The following SEMA4D variants were observed in gnomAD, a reference collection of about 807,000 sequenced individuals.
SEMA4D encodes the protein semaphorin-4D.
A neutral mutation model predicts 74.8 loss-of-function variants in SEMA4D; 22 were observed. The observed-to-expected ratio is 0.29, with a 90% CI of 0.21 to 0.42. The LOEUF (loss-of-function observed/expected upper bound fraction) is 0.42, where lower values mean the gene tolerates loss of function less well. Ranked by LOEUF, SEMA4D falls within the 10% of genes least tolerant of loss-of-function variation. SEMA4D has a pLI of 1.00. For synonymous variants in SEMA4D, 445 were observed against 463.7 expected (o/e 0.96, Z 0.52); for missense variants, 937 against 1,118.4 (o/e 0.84, Z 2.31).
intron 2 of SEMA4D, among the ~76,000 whole-genome samples, chr9:89,439,270 G>A (rs961317451): frequency 6.6e-6 from 1 of 152,048 alleles, no homozygotes; most frequent in Non-Finnish European, 1.5e-5. Flanking sequence ...ATGAGCCACC[G>A]TACCCGGCAC....
rs150611566 is a variant in SEMA4D at position 89,428,169 on chromosome 9, C to G, written c.-243-22470G>C. 3.7e-3 allele frequency among the ~76,000 whole-genome samples: 570 copies of G among 152,250 alleles called. 4 individuals carry two copies. The highest frequency in any genetic ancestry group is 0.017 in the Middle Eastern group (5 of 292). The stretch of plus-strand genomic sequence containing the variant: ...ACCGCTGACCTGTCATGGAGGGATA[C>G]GGCCCCCACACTGAACAATTCCCTG... On this transcript the variant is annotated intron_variant, in intron 2 of 15. Transcript: ENST00000422704.
intron 2 of SEMA4D, among the ~76,000 whole-genome samples, chr9:89,454,906 G>A (rs983239451): frequency 6.6e-5 from 10 of 152,248 alleles, no homozygotes; most frequent in Admixed American, 4.6e-4. Context: ...AGGAAGCCCC[G>A]CCCCTCGAGG....
chr9:89,371,945 T>TGTGTGGGGTGTGGTGTGTGTGGG (rs1834999442), intron 16 of SEMA4D, among the ~76,000 whole-genome samples: 2 of 143,284 alleles, frequency 1.4e-5, no homozygotes, highest in African/African-American at 5.2e-5. Flanking sequence ...GGGTGTGGTG[T>TGTGTGGGGTGTGGTGTGTGTGGG]GTGTGGGGTG....
At chr9:89,474,483 C>T (rs534600456) in intron 1 of SEMA4D, among the ~76,000 whole-genome samples, 48 of 152,304 alleles carry the variant, frequency 3.2e-4, no homozygotes, top group Non-Finnish European at 5.0e-4. Context: ...AAATAGCCTG[C>T]GTAAACTGCG....
chr9:89,390,063 G>A (rs894856150), intron 9 of SEMA4D, among the ~76,000 whole-genome samples: 2 of 152,204 alleles, frequency 1.3e-5, no homozygotes, highest in Non-Finnish European at 2.9e-5. Flanking sequence ...CTTGTCGGGG[G>A]TGGAGGTGGC....
Position 89,405,681 on chromosome 9 carries a change from C to A in SEMA4D, c.-225G>T. On this transcript the variant is annotated 5_prime_UTR_variant, in exon 3 of 16. Coordinates refer to ENST00000422704, the MANE Select transcript of SEMA4D (RefSeq NM_001371194.2). ...TGTCAAAGCCCACTTGATACTTCTT[C>A]AGGGCCTCAGAAGAAATGCTGGAAG... 8 of 1,408,106 alleles carry A rather than the reference C, an allele frequency of 5.7e-6. No individual in the cohort carries two copies. Among genetic ancestry groups the A allele is most frequent in the Non-Finnish European group, 7.4e-6 (8 of 1,084,824 alleles). The allele number at this position is 1,408,106 out of a possible 1,614,324, so 87.2% of individuals were successfully genotyped here.
intron 16 of SEMA4D, chr9:89,363,966 G>C: frequency 6.2e-7 from 1 of 1,614,010 alleles, no homozygotes; most frequent in East Asian, 2.2e-5. Context: ...GACACAGACC[G>C]TTTCCACCTC....
At chr9:89,424,144 T>G (rs1363164732) in intron 2 of SEMA4D, among the ~76,000 whole-genome samples, 2 of 151,680 alleles carry the variant, frequency 1.3e-5, no homozygotes, top group Non-Finnish European at 2.9e-5. Flanking sequence ...CCTCAGCACC[T>G]CCTCCTCCCC....
downstream of SEMA4D, chr9:89,376,777 A>C (rs1835849023): frequency 6.6e-7 from 1 of 1,512,124 alleles, no homozygotes; most frequent in Admixed American, 2.0e-5. Flanking sequence ...CCCGCCCCCC[A>C]CCTGTGGGAG....
At chr9:89,410,123 G>A (rs561939718) in intron 2 of SEMA4D, among the ~76,000 whole-genome samples, 48 of 152,242 alleles carry the variant, frequency 3.2e-4, no homozygotes, top group South Asian at 2.1e-3. Flanking sequence ...TGCAGCACAC[G>A]CTGATTTCTG....
chr9:89,390,733 G>A (rs1245267713), intron 9 of SEMA4D, among the ~76,000 whole-genome samples: 1 of 152,160 alleles, frequency 6.6e-6, no homozygotes, highest in Non-Finnish European at 1.5e-5. Flanking sequence ...TCCACCTCCT[G>A]GAAACTGCCA....
chr9:89,452,061 T>C (rs937897874), intron 2 of SEMA4D, among the ~76,000 whole-genome samples: 13 of 152,042 alleles, frequency 8.6e-5, no homozygotes, highest in Admixed American at 2.0e-4. Context: ...TGGATCTGAG[T>C]GTGTTGAGGG....
At chr9:89,408,625 C>T (rs1018231580) in intron 2 of SEMA4D, among the ~76,000 whole-genome samples, 2 of 152,186 alleles carry the variant, frequency 1.3e-5, no homozygotes, top group Non-Finnish European at 2.9e-5. Flanking sequence ...GGACTGCACA[C>T]TCGCATTGTG....
Position 89,484,904 on chromosome 9 carries a change from T to G in SEMA4D, c.-310+13015A>C, listed in dbSNP as rs960104593. Among the ~76,000 whole-genome samples the G allele has an allele frequency of 2.7e-5, 4 of 149,818 alleles. No homozygotes were observed. Among genetic ancestry groups the G allele is most frequent in the African/African-American group, 4.9e-5 (2 of 40,614 alleles). ...GGGGGTATGTGTGTAGTGTGTGGTATGGGGTGTGTGGTGTGATGTGTATGT... is the reference window on the plus strand; with the variant it reads ...GGGGGTATGTGTGTAGTGTGTGGTAGGGGGTGTGTGGTGTGATGTGTATGT... On this transcript the variant is annotated intron_variant, in intron 1 of 15. Transcript: ENST00000422704. This position sits in a 1 kb window ranked among gnomAD's most constrained non-coding sequence, Gnocchi z 4.1.
intron 2 of SEMA4D, among the ~76,000 whole-genome samples, chr9:89,442,418 T>C (rs993034336): frequency 3.9e-5 from 6 of 151,940 alleles, no homozygotes; most frequent in Non-Finnish European, 7.4e-5. Flanking sequence ...CGGACCTCAT[T>C]AGTTAAAATG....
chr9:89,447,800 T>C (rs1853331146), intron 2 of SEMA4D, among the ~76,000 whole-genome samples: 1 of 150,382 alleles, frequency 6.6e-6, no homozygotes, highest in Non-Finnish European at 1.5e-5. Context: ...ACCACTTCAG[T>C]GCTCCCTGGA....
At chr9:89,431,502 TCTTTTG>T (rs1849270307) in intron 2 of SEMA4D, among the ~76,000 whole-genome samples, 1 of 152,184 alleles carries the variant, frequency 6.6e-6, no homozygotes, top group Non-Finnish European at 1.5e-5. Flanking sequence ...CCCTAGATTC[TCTTTTG>T]TTTTTTGGAG....
chr9:89,485,929 G>A (rs1398912918), intron 1 of SEMA4D, among the ~76,000 whole-genome samples: 1 of 151,926 alleles, frequency 6.6e-6, no homozygotes, highest in African/African-American at 2.4e-5. Flanking sequence ...TGGCTGAGCG[G>A]CTTCAAGAAT....
At chr9:89,457,777 T>TA (rs1439997482) in intron 1 of SEMA4D, among the ~76,000 whole-genome samples, 1 of 151,898 alleles carries the variant, frequency 6.6e-6, no homozygotes, top group Admixed American at 6.6e-5. Flanking sequence ...CTCATGCCTG[T>TA]AATCCCAGCC....
Sources: allele counts gnomAD v4.1 joint callset (sites outside exome capture counted in the v4.1 genomes callset), GRCh38; gene constraint gnomAD v4.1.1; non-coding constraint Gnocchi (gnomAD v3.1); transcripts MANE v1.5; gene names NCBI Gene and HGNC (gene_info 2026-07-23, HGNC 2026-07-21).